Variants in GPR137C observed in about 807,000 individuals in gnomAD.
GPR137C encodes G protein-coupled receptor 137C.
Under a neutral mutation model 43.4 loss-of-function variants are expected in GPR137C, and 27 were observed. The ratio of observed to expected loss-of-function variants is 0.62; its 90% confidence interval spans 0.46 to 0.86. The LOEUF (loss-of-function observed/expected upper bound fraction) is 0.86. Ranked by LOEUF, GPR137C falls within the 40% of genes least tolerant of loss-of-function variation. The probability of loss-of-function intolerance (pLI) is 0.00; values close to 1 mark genes in which losing one functional copy is unlikely to be tolerated. For missense variants in GPR137C, 522 were observed against 534.6 expected, an observed-to-expected ratio of 0.98 and a Z score of 0.23; for synonymous variants, 285 against 226.9, an observed-to-expected ratio of 1.26 and a Z score of -2.30.
chr14:52,625,881 A>G (rs1227338947), intron 3 of GPR137C, among the ~76,000 whole-genome samples: 2 of 152,022 alleles, frequency 1.3e-5, no homozygotes, highest in Non-Finnish European at 2.9e-5. Flanking sequence ...ACCAGGTTTT[A>G]TGAGACCAGC....
chr14:52,568,313 C>T (rs957132703), intron 1 of GPR137C, among the ~76,000 whole-genome samples: 1 of 152,120 alleles, frequency 6.6e-6, no homozygotes, highest in Non-Finnish European at 1.5e-5. Flanking sequence ...AACCTGCAAA[C>T]CAGGAGATTC....
At chr14:52,625,491 AAAAAGAAAAAG>A (rs1759885851) in intron 3 of GPR137C, among the ~76,000 whole-genome samples, 1 of 147,994 alleles carries the variant, frequency 6.8e-6, no homozygotes, top group Admixed American at 6.7e-5. Flanking sequence ...CAAAAAAAAA[AAAAAGAAAAAG>A]AAAAGAAAAT....
In GPR137C at chr14:52,556,866, A is replaced by G. The variant is rs529680299; in HGVS notation, c.444+3275A>G. ...GCCAAAATCAATGAGTTCATCTTCAACATATTGAAGTTCTTACTTTCAGTT... is the reference window on the plus strand; with the variant it reads ...GCCAAAATCAATGAGTTCATCTTCAGCATATTGAAGTTCTTACTTTCAGTT... On this transcript the variant is annotated intron_variant, in intron 1 of 6. Transcript: ENST00000321662. Among the ~76,000 whole-genome samples, 6 of 152,188 alleles carry G rather than the reference A, an allele frequency of 3.9e-5. No homozygotes were observed. The South Asian group carries it at 1.0e-3, about 26-fold the overall frequency.
Position 52,620,047 on chromosome 14 carries a change from A to G in GPR137C, c.718-12113A>G, listed in dbSNP as rs183683415. Among the ~76,000 whole-genome samples, 6 of 152,240 alleles carry G rather than the reference A, an allele frequency of 3.9e-5. No individual in the cohort carries two copies. In the East Asian group the frequency reaches 1.2e-3, roughly 29 times the overall value. ...TGGACAAAGTGTAAAAAAGCACTGAAGGCAATGGAGAACAACCACTTAGAA... is the reference window on the plus strand; with the variant it reads ...TGGACAAAGTGTAAAAAAGCACTGAGGGCAATGGAGAACAACCACTTAGAA... On this transcript the variant is annotated intron_variant, in intron 3 of 6. Transcript: ENST00000321662.
At chr14:52,591,531 G>A (rs372512465) in intron 1 of GPR137C, among the ~76,000 whole-genome samples, 2 of 152,204 alleles carry the variant, frequency 1.3e-5, no homozygotes, top group African/African-American at 4.8e-5. Flanking sequence ...TAACTGGTGT[G>A]AAATGGTGTC....
At chr14:52,595,828 A>G (rs1775923896) in intron 1 of GPR137C, among the ~76,000 whole-genome samples, 1 of 152,200 alleles carries the variant, frequency 6.6e-6, no homozygotes, top group Non-Finnish European at 1.5e-5. Context: ...TCAACTCGTC[A>G]AACTCGTTCT....
At chr14:52,622,950 C>T (rs962863484) in intron 3 of GPR137C, among the ~76,000 whole-genome samples, 1 of 152,038 alleles carries the variant, frequency 6.6e-6, no homozygotes, top group Non-Finnish European at 1.5e-5. Flanking sequence ...TCATTGCCAC[C>T]GTCTTGATTT....
intron 1 of GPR137C, among the ~76,000 whole-genome samples, chr14:52,571,597 C>A (rs949130086): frequency 9.9e-5 from 15 of 152,080 alleles, no homozygotes; most frequent in African/African-American, 3.6e-4. Context: ...TCACTTGAAC[C>A]CGGGAGGTGG....
intron 1 of GPR137C, among the ~76,000 whole-genome samples, chr14:52,568,843 G>C (rs1218365196): frequency 1.3e-5 from 2 of 152,220 alleles, no homozygotes; most frequent in Non-Finnish European, 2.9e-5. Flanking sequence ...GGGCACCTGG[G>C]GGAAGGGGCG....
chr14:52,556,308 ACT>A (rs1055468085), intron 1 of GPR137C, among the ~76,000 whole-genome samples: 2 of 151,754 alleles, frequency 1.3e-5, no homozygotes, highest in African/African-American at 4.8e-5. Flanking sequence ...AGTAAAACAA[ACT>A]CTACTACTTT....
intron 3 of GPR137C, among the ~76,000 whole-genome samples, chr14:52,602,478 CA>C (rs773254097): frequency 1.3e-5 from 2 of 152,092 alleles, no homozygotes; most frequent in African/African-American, 2.4e-5. Flanking sequence ...TGTTCTGTGA[CA>C]ATAAGATCCT....
chr14:52,612,307 T>TA, intron 3 of GPR137C: 1 of 900,478 alleles, frequency 1.1e-6, no homozygotes, highest in South Asian at 5.1e-5. Context: ...GATTTTCTCA[T>TA]GCTATTAAAA....
At chr14:52,628,825 A>T (rs1476825548) in intron 3 of GPR137C, among the ~76,000 whole-genome samples, 1 of 152,142 alleles carries the variant, frequency 6.6e-6, no homozygotes, top group African/African-American at 2.4e-5. Flanking sequence ...ATTCTTATCA[A>T]AGGCAAGACT....
At chr14:52,588,000 GT>G (rs1431709259) in intron 1 of GPR137C, among the ~76,000 whole-genome samples, 1 of 152,128 alleles carries the variant, frequency 6.6e-6, no homozygotes, top group East Asian at 1.9e-4. Context: ...TTATGAACTA[GT>G]CAAGGAAATT....
chr14:52,557,029 T>C (rs528816418), intron 1 of GPR137C, among the ~76,000 whole-genome samples: 2 of 152,300 alleles, frequency 1.3e-5, no homozygotes, highest in African/African-American at 4.8e-5. Flanking sequence ...CCAGTAGATA[T>C]ATTCTTATAT....
intron 3 of GPR137C, among the ~76,000 whole-genome samples, chr14:52,628,209 T>C (rs2039252087): frequency 6.6e-6 from 1 of 152,326 alleles, no homozygotes; most frequent in East Asian, 1.9e-4. Flanking sequence ...CTACACTTAA[T>C]GTGGTTTATT....
rs562760224 is a variant in GPR137C at position 52,553,607 on chromosome 14, C to A, written c.444+16C>A. 47 of 1,531,060 alleles carry A rather than the reference C, an allele frequency of 3.1e-5. No homozygotes were observed. The highest frequency in any genetic ancestry group is 3.6e-5 in the Non-Finnish European group (41 of 1,134,372). The allele number at this position is 1,531,060 out of a possible 1,614,324, so 94.8% of individuals were successfully genotyped here. ...CCTGGCGGAGGTAAGGCGGGAGGGCCGGCATGCGGGGCCCGGGCGGGTGCG... is the reference window on the plus strand; with the variant it reads ...CCTGGCGGAGGTAAGGCGGGAGGGCAGGCATGCGGGGCCCGGGCGGGTGCG... On this transcript the variant is annotated intron_variant, in intron 1 of 6. Coordinates refer to ENST00000321662, the MANE Select transcript of GPR137C (RefSeq NM_001099652.2).
intron 1 of GPR137C, among the ~76,000 whole-genome samples, chr14:52,567,691 G>A (rs1005481710): frequency 1.3e-4 from 17 of 134,590 alleles, no homozygotes; most frequent in East Asian, 1.1e-3. Context: ...ACAGAGAATC[G>A]CCCTGTTACC....
intron 1 of GPR137C, among the ~76,000 whole-genome samples, chr14:52,571,271 A>G (rs2038463672): frequency 6.6e-6 from 1 of 152,218 alleles, no homozygotes; most frequent in Non-Finnish European, 1.5e-5. Context: ...AGAAGTGAAT[A>G]AGTTCTTTGA....
Sources: allele counts gnomAD v4.1 joint callset (sites outside exome capture counted in the v4.1 genomes callset), GRCh38; gene constraint gnomAD v4.1.1; transcripts MANE v1.5; gene names NCBI Gene and HGNC (gene_info 2026-07-23, HGNC 2026-07-21).